Variants in LRP1B observed in about 807,000 individuals in gnomAD.
LRP1B encodes the protein LDL receptor related protein 1B.
In LRP1B, 217 loss-of-function variants were observed where a neutral mutation model predicts 556.6. The observed-to-expected ratio is 0.39, with a 90% CI of 0.35 to 0.44. The LOEUF is 0.44. Among genes scored for constraint, LRP1B ranks in the 20% least tolerant of loss-of-function variants. The pLI, the probability that LRP1B is intolerant of heterozygous loss-of-function variation, is 1.00. For synonymous variants in LRP1B, 2,047 were observed against 1,865.8 expected (o/e 1.10, Z -2.50); for missense variants, 5,053 against 5,620.8 (o/e 0.90, Z 3.23).
chr2:141,156,488 CATG>C (rs1054264869), intron 7 of LRP1B, among the ~76,000 whole-genome samples: 3 of 151,890 alleles, frequency 2.0e-5, no homozygotes, highest in African/African-American at 7.3e-5. Flanking sequence ...CTTAGACAGG[CATG>C]GTGGTGGGTG....
chr2:140,796,995 A>G (rs1005449176), intron 32 of LRP1B, among the ~76,000 whole-genome samples: 4 of 152,004 alleles, frequency 2.6e-5, no homozygotes, highest in African/African-American at 9.7e-5. Context: ...AGGTATAAAT[A>G]TTATAATAAT....
rs180821329 is a variant in LRP1B, at chr2:141,016,036, C to T, written c.1971-121G>A. 90 of 729,964 alleles carry T rather than the reference C, an allele frequency of 1.2e-4. No homozygotes were observed. The East Asian group carries it at 2.2e-3, about 18-fold the overall frequency. The allele number at this position is 729,964 out of a possible 1,614,324, so 45.2% of individuals were successfully genotyped here. On this transcript the variant is annotated intron_variant, in intron 12 of 90. Transcript: ENST00000389484. ...GTTTCATTCTGATTTGTCCTCCTAT[C>T]TAAGTGCTTATCTGTCAAAGAGGGG...
intron 1 of LRP1B, among the ~76,000 whole-genome samples, chr2:142,037,747 G>C (rs1703933470): frequency 6.6e-6 from 1 of 151,496 alleles, no homozygotes. Flanking sequence ...TAGACTAGAG[G>C]CTTCAATGAT....
At chr2:141,947,604 A>C (rs1700989736) in intron 1 of LRP1B, among the ~76,000 whole-genome samples, 1 of 152,096 alleles carries the variant, frequency 6.6e-6, no homozygotes, top group Non-Finnish European at 1.5e-5. Context: ...CTAGGGCGTG[A>C]TAGTGTTCAT....
chr2:140,247,023 A>C (rs1176485314), intron 87 of LRP1B, 63 bp downstream of exon 87: 3 of 1,175,320 alleles, frequency 2.6e-6, no homozygotes, highest in Non-Finnish European at 3.8e-6. Context: ...CTCACTCAAT[A>C]ATGACATAAC....
chr2:141,059,180 C>G (rs1650078454), intron 8 of LRP1B, 126 bp from the exon 9 acceptor site: 1 of 596,182 alleles, frequency 1.7e-6, no homozygotes, highest in Admixed American at 3.6e-5. Context: ...ATGTTATTTA[C>G]TTTTTCTCAA....
At chr2:141,321,896 G>A (rs1459692419) in intron 3 of LRP1B, among the ~76,000 whole-genome samples, 2 of 152,008 alleles carry the variant, frequency 1.3e-5, no homozygotes, top group Non-Finnish European at 1.5e-5. Context: ...ATTAAATAGA[G>A]AAAAGTTAAG....
At chr2:141,450,583 AAT>A (rs1489188605) in intron 3 of LRP1B, among the ~76,000 whole-genome samples, 2 of 150,512 alleles carry the variant, frequency 1.3e-5, no homozygotes, top group African/African-American at 4.9e-5. Context: ...TTTAAAAAAA[AAT>A]ATATATATAT....
intron 2 of LRP1B, among the ~76,000 whole-genome samples, chr2:141,506,894 T>C (rs1257263396): frequency 1.3e-5 from 2 of 152,150 alleles, no homozygotes; most frequent in African/African-American, 4.8e-5. Flanking sequence ...CTTTGGAATA[T>C]ATTATGTGTA....
intron 1 of LRP1B, among the ~76,000 whole-genome samples, chr2:141,936,809 G>T (rs1424919497): frequency 6.6e-6 from 1 of 151,780 alleles, no homozygotes; most frequent in Non-Finnish European, 1.5e-5. Context: ...GTTATTCAAG[G>T]AACATTAATT....
intron 2 of LRP1B, among the ~76,000 whole-genome samples, chr2:141,515,232 G>A (rs1217934509): frequency 1.3e-5 from 2 of 151,836 alleles, no homozygotes; most frequent in African/African-American, 2.4e-5. Context: ...AACCTGGGAG[G>A]TGGAGGTTGC....
rs1400086966 is a variant in LRP1B, at chr2:141,986,477, AT to A, written c.82+144170del. Among the ~76,000 whole-genome samples, 4 of 151,468 alleles carry A rather than the reference AT, an allele frequency of 2.6e-5. No individual in the cohort carries two copies. The South Asian group carries it at 6.2e-4, about 24-fold the overall frequency. On this transcript the variant is annotated intron_variant, in intron 1 of 90. Coordinates refer to ENST00000389484, the MANE Select transcript of LRP1B (RefSeq NM_018557.3). ...GAACAGTTAGCCAGTCTGCCAGGCT[AT>A]TTTTTTTCTTTATATTTACCCTCAT...
At position 141,579,049 on chromosome 2, in the gene LRP1B, A is replaced by G. The variant is rs184350108; in HGVS notation, c.206-98516T>C. ...ATACGCTTTTTCTTTAACCAGTGAC[A>G]TTCTAAATATTAACGAGAAACAAAC... is the stretch of plus-strand genomic sequence containing the variant. On this transcript the variant is annotated intron_variant, in intron 2 of 90. Transcript: ENST00000389484. Among the ~76,000 whole-genome samples, 36 of 152,308 alleles carry G rather than the reference A, an allele frequency of 2.4e-4. 1 individual carries two copies. The East Asian group carries it at 4.8e-3, about 20-fold the overall frequency.
chr2:141,230,934 T>C (rs1683436505), intron 5 of LRP1B, among the ~76,000 whole-genome samples: 1 of 152,200 alleles, frequency 6.6e-6, no homozygotes, highest in African/African-American at 2.4e-5. Flanking sequence ...CTTCTATCTC[T>C]AGCATCTAGA....
intron 2 of LRP1B, among the ~76,000 whole-genome samples, chr2:141,803,638 C>T (rs1696082701): frequency 6.6e-6 from 1 of 152,026 alleles, no homozygotes; most frequent in East Asian, 1.9e-4. Flanking sequence ...GCAAAGTGAC[C>T]TCTAAATCAC....
chr2:140,828,294 A>G (rs1326238057), intron 31 of LRP1B, among the ~76,000 whole-genome samples: 4 of 152,186 alleles, frequency 2.6e-5, no homozygotes, highest in Non-Finnish European at 4.4e-5. Context: ...GAATGTAAAT[A>G]GATTAAATTC....
chr2:140,884,945 C>G lies in LRP1B; in HGVS notation c.3965-924G>C, dbSNP rs1264423116. 2.0e-5 allele frequency among the ~76,000 whole-genome samples: 3 copies of G among 152,240 alleles called. No homozygotes were observed. The East Asian group carries it at 5.8e-4, about 29-fold the overall frequency. The stretch of plus-strand genomic sequence containing the variant: ...TCCAGGCTGGTCTCAAACTCATGGG[C>G]TTAAACATCTGTCTGTCTCAGCCTC... On this transcript the variant is annotated intron_variant, in intron 24 of 90. Transcript: ENST00000389484.
chr2:141,125,736 T>C (rs1005016670), intron 7 of LRP1B, among the ~76,000 whole-genome samples: 16 of 151,710 alleles, frequency 1.1e-4, no homozygotes, highest in African/African-American at 3.9e-4. Context: ...TTTATCCTTA[T>C]TTAGGTCAGG....
intron 52 of LRP1B, among the ~76,000 whole-genome samples, chr2:140,507,401 T>C (rs1689464607): frequency 2.6e-5 from 4 of 152,182 alleles, no homozygotes; most frequent in Admixed American, 2.6e-4. Context: ...TTTAGAATGT[T>C]ATTGTCTTTA....
Sources: gnomAD v4.1 joint callset for allele counts (sites outside exome capture counted in the v4.1 genomes callset) on GRCh38, gnomAD v4.1.1 for gene constraint, MANE v1.5 for transcripts, NCBI Gene and HGNC (gene_info 2026-07-23, HGNC 2026-07-21) for gene names.